The following STXBP4 variants were observed in gnomAD, a reference collection of about 807,000 sequenced individuals.
STXBP4 encodes syntaxin-binding protein 4.
Under a neutral mutation model 76.1 loss-of-function variants are expected in STXBP4, and 55 were observed. The ratio of observed to expected loss-of-function variants is 0.72; its 90% confidence interval spans 0.58 to 0.91. The LOEUF is 0.91. STXBP4 is among the 40% of genes least tolerant of loss of function. The pLI, the probability that STXBP4 is intolerant of heterozygous loss-of-function variation, is 0.00. For missense variants in STXBP4, 618 were observed against 636.9 expected, an observed-to-expected ratio of 0.97 and a Z score of 0.32; for synonymous variants, 201 against 220.2, an observed-to-expected ratio of 0.91 and a Z score of 0.77.
intron 8 of STXBP4, among the ~76,000 whole-genome samples, chr17:55,013,709 A>G (rs1259265491): frequency 1.3e-5 from 2 of 152,254 alleles, no homozygotes; most frequent in African/African-American, 4.8e-5. Context: ...AAAGTAAATC[A>G]TCCACATACT....
At chr17:55,130,893 AT>A (rs1373610089) in intron 16 of STXBP4, among the ~76,000 whole-genome samples, 1 of 152,152 alleles carries the variant, frequency 6.6e-6, no homozygotes, top group African/African-American at 2.4e-5. Context: ...ATAATATCAC[AT>A]CCATTCATCT....
At chr17:55,196,795 T>C in the STXBP4 span, among the ~76,000 whole-genome samples, 2 of 152,194 alleles carry the variant, frequency 1.3e-5, no homozygotes, top group African/African-American at 4.8e-5. Context: ...CACCCTAGAA[T>C]AGACTTGATG....
At chr17:54,969,286 G>C (rs1256214398) in intron 1 of STXBP4, among the ~76,000 whole-genome samples, 1 of 152,208 alleles carries the variant, frequency 6.6e-6, no homozygotes, top group Non-Finnish European at 1.5e-5. Context: ...GCCATTTAAG[G>C]AGAGACTGAA....
At chr17:55,060,428 A>T (rs898412858) in intron 12 of STXBP4, among the ~76,000 whole-genome samples, 4 of 152,292 alleles carry the variant, frequency 2.6e-5, no homozygotes, top group African/African-American at 9.6e-5. Context: ...AGAAATTTAA[A>T]TGGTGTGAAA....
intron 16 of STXBP4, among the ~76,000 whole-genome samples, chr17:55,118,343 C>T (rs561027976): frequency 4.6e-5 from 7 of 152,030 alleles, no homozygotes; most frequent in Middle Eastern, 3.4e-3. Context: ...AAGGAGAAAG[C>T]ATTCCAGACT....
chr17:55,095,199 A>G (rs2079469093), intron 16 of STXBP4, among the ~76,000 whole-genome samples: 1 of 152,224 alleles, frequency 6.6e-6, no homozygotes, highest in Non-Finnish European at 1.5e-5. Flanking sequence ...AAATGCAAGG[A>G]CTGCTTCTAA....
intron 16 of STXBP4, among the ~76,000 whole-genome samples, chr17:55,084,048 A>G (rs1013607058): frequency 5.3e-5 from 8 of 152,176 alleles, no homozygotes; most frequent in Non-Finnish European, 1.0e-4. Context: ...TCCCTGAGGA[A>G]TCGCCACACT....
chr17:55,108,614 C>T (rs1472242630), intron 16 of STXBP4, among the ~76,000 whole-genome samples: 2 of 152,198 alleles, frequency 1.3e-5, no homozygotes, highest in Non-Finnish European at 2.9e-5. Context: ...CTGGAATGCA[C>T]CGTTCCTCAC....
chr17:55,049,755 C>T (rs1003447851), intron 12 of STXBP4, among the ~76,000 whole-genome samples: 1 of 151,850 alleles, frequency 6.6e-6, no homozygotes, highest in Non-Finnish European at 1.5e-5. Flanking sequence ...AAGATCAACT[C>T]ACCTATTTTT....
At chr17:55,141,987 A>G (rs1251962647) in intron 17 of STXBP4, among the ~76,000 whole-genome samples, 1 of 152,178 alleles carries the variant, frequency 6.6e-6, no homozygotes, top group Non-Finnish European at 1.5e-5. Context: ...TGAGGTATGT[A>G]TACCTTGTCA....
intron 10 of STXBP4, among the ~76,000 whole-genome samples, chr17:55,038,391 G>T (rs1297967684): frequency 6.6e-6 from 1 of 151,912 alleles, no homozygotes; most frequent in Admixed American, 6.6e-5. Context: ...ATAATAAATA[G>T]AATTATAGAA....
chr17:55,198,945 GTAC>G, the STXBP4 span, among the ~76,000 whole-genome samples: 1 of 152,188 alleles, frequency 6.6e-6, no homozygotes, highest in South Asian at 2.1e-4. Flanking sequence ...ACTCTTTGGA[GTAC>G]TATAAAGGCT....
At chr17:55,053,473 A>G (rs2078886721) in intron 12 of STXBP4, among the ~76,000 whole-genome samples, 1 of 152,134 alleles carries the variant, frequency 6.6e-6, no homozygotes, top group South Asian at 2.1e-4. Context: ...ACCACTTACT[A>G]TCAGTGGCTT....
At chr17:55,087,759 T>C (rs948740167) in intron 16 of STXBP4, among the ~76,000 whole-genome samples, 2 of 152,182 alleles carry the variant, frequency 1.3e-5, no homozygotes, top group African/African-American at 4.8e-5. Flanking sequence ...TTAGAATTTT[T>C]TTCTGTTTCC....
intron 1 of STXBP4, among the ~76,000 whole-genome samples, chr17:54,971,909 C>T (rs2077405898): frequency 6.6e-6 from 1 of 152,092 alleles, no homozygotes; most frequent in South Asian, 2.1e-4. Context: ...AGGCATGAGC[C>T]ACCGCACCCA....
intron 16 of STXBP4, among the ~76,000 whole-genome samples, chr17:55,112,393 C>T (rs2079730940): frequency 1.3e-5 from 2 of 152,154 alleles, no homozygotes; most frequent in Non-Finnish European, 2.9e-5. Flanking sequence ...CTGCTATAGC[C>T]TCAGAATTTA....
At chr17:54,982,748 T>C (rs16955474) in intron 1 of STXBP4, among the ~76,000 whole-genome samples, 5,779 of 152,098 alleles carry the variant, frequency 0.038, 392 homozygotes, top group African/African-American at 0.13. Context: ...CATTTTATGA[T>C]ATTTAAGGAC....
At chr17:55,056,158 A>T (rs1466129239) in intron 12 of STXBP4, among the ~76,000 whole-genome samples, 2 of 152,220 alleles carry the variant, frequency 1.3e-5, no homozygotes, top group Non-Finnish European at 1.5e-5. Context: ...CTACATTTTT[A>T]AAAAAGGAAA....
rs557361022 is a variant in STXBP4, at chr17:55,051,800, G to C, written c.1011+4646G>C. ...GGAAAGAACCCTGCGGGATGGGCTT[G>C]AATTGGATGTATCATTGTGAATACA... is the stretch of plus-strand genomic sequence containing the variant. On this transcript the variant is annotated intron_variant, in intron 12 of 17. Coordinates refer to ENST00000376352, the MANE Select transcript of STXBP4 (RefSeq NM_178509.6). Among the ~76,000 whole-genome samples the C allele has an allele frequency of 1.6e-3, 239 of 152,082 alleles. 1 individual carries two copies. The highest frequency in any genetic ancestry group is 2.4e-3 in the Non-Finnish European group (166 of 67,970).
Sources: allele counts gnomAD v4.1 joint callset (sites outside exome capture counted in the v4.1 genomes callset), GRCh38; gene constraint gnomAD v4.1.1; transcripts MANE v1.5; gene names NCBI Gene and HGNC (gene_info 2026-07-23, HGNC 2026-07-21).